The following BTBD16 variants were observed in gnomAD, a reference collection of about 807,000 sequenced individuals.
BTBD16 encodes the protein BTB/POZ domain-containing protein 16.
BTBD16 carries 66 observed loss-of-function variants against 67.4 expected under a neutral mutation model. That is an observed-to-expected ratio of 0.98 (90% CI 0.80 to 1.20). The LOEUF (loss-of-function observed/expected upper bound fraction) is 1.20, where lower values mean the gene tolerates loss of function less well. Ranked by LOEUF, BTBD16 falls within the 50% of genes most tolerant of loss-of-function variation. BTBD16 has a pLI of 0.00. For missense variants in BTBD16, 634 were observed against 616.0 expected (o/e 1.03, Z -0.31); for synonymous variants, 242 against 236.4 (o/e 1.02, Z -0.22).
chr10:122,288,596 T>C (rs7908675), intron 5 of BTBD16, among the ~76,000 whole-genome samples: 48,794 of 152,114 alleles, frequency 0.32, 8,376 homozygotes, highest in African/African-American at 0.46. Context: ...ATGGGCCCAG[T>C]GGGTGGAGCG....
At position 122,299,023 on chromosome 10, in the gene BTBD16, C is replaced by T. The variant is rs1332549047; in HGVS notation, c.680C>T (p.Thr227Ile). The change falls in exon 9 of 16, where the codon ACC becomes ATC. Residue 227 changes from threonine to isoleucine, a missense_variant. Thr to Ile is a moderately conservative substitution (Grantham distance 89). Coordinates refer to ENST00000260723, the MANE Select transcript of BTBD16 (RefSeq NM_144587.5). ...TCTTAGTACAAGGAAGAGCAGCTCACCACCGGCTGCGAGAAGTGGCTGGAA... is the reference window on the plus strand; with the variant it reads ...TCTTAGTACAAGGAAGAGCAGCTCATCACCGGCTGCGAGAAGTGGCTGGAA... ...AGCKYKEEQL[T>I]TGCEKWLEMN... 6.2e-7 allele frequency: 1 copy of T among 1,614,000 alleles called. No homozygotes were observed. The highest frequency in any genetic ancestry group is 1.1e-5 in the South Asian group (1 of 91,062).
chr10:122,276,114 G>A (rs2096340007), intron 2 of BTBD16, among the ~76,000 whole-genome samples: 1 of 152,234 alleles, frequency 6.6e-6, no homozygotes, highest in Admixed American at 6.5e-5. Context: ...CATATTGTGT[G>A]ATTCCACTTG....
At chr10:122,325,582 A>G (rs998058318) in intron 10 of BTBD16, among the ~76,000 whole-genome samples, 1 of 152,020 alleles carries the variant, frequency 6.6e-6, no homozygotes, top group Non-Finnish European at 1.5e-5. Flanking sequence ...GTAGGTTATG[A>G]TGTGGGGGTG....
chr10:122,273,821 C>G (rs1023904682), intron 1 of BTBD16, among the ~76,000 whole-genome samples: 1 of 152,196 alleles, frequency 6.6e-6, no homozygotes, highest in Non-Finnish European at 1.5e-5. Flanking sequence ...TCACTAGTTA[C>G]AACAAGCATA....
chr10:122,314,925 C>T (rs548786509), intron 10 of BTBD16, among the ~76,000 whole-genome samples: 19 of 152,104 alleles, frequency 1.2e-4, no homozygotes, highest in African/African-American at 2.4e-4. Flanking sequence ...ATGACATGAA[C>T]GTCATCTGAT....
intron 10 of BTBD16, among the ~76,000 whole-genome samples, chr10:122,308,780 C>A (rs1011242112): frequency 6.6e-6 from 1 of 152,206 alleles, no homozygotes; most frequent in Admixed American, 6.5e-5. Flanking sequence ...TGGTTCTTCT[C>A]CTGCCCAGCT....
intron 10 of BTBD16, among the ~76,000 whole-genome samples, chr10:122,328,298 C>A (rs1457229355): frequency 6.6e-6 from 1 of 152,174 alleles, no homozygotes; most frequent in East Asian, 1.9e-4. Context: ...GTTCTGCACT[C>A]CTGAAAGCAT....
intron 10 of BTBD16, among the ~76,000 whole-genome samples, chr10:122,325,409 C>T (rs2096442725): frequency 6.6e-6 from 1 of 152,142 alleles, no homozygotes; most frequent in African/African-American, 2.4e-5. Context: ...GTCTCAGCCC[C>T]ACCTCTGCCA....
At chr10:122,330,327 T>A (rs7916112) in intron 11 of BTBD16, among the ~76,000 whole-genome samples, 88,878 of 151,950 alleles carry the variant, frequency 0.58, 26,732 homozygotes, top group East Asian at 0.86. Context: ...AGAGAAAAGT[T>A]TGGGGAAAAA....
intron 13 of BTBD16, chr10:122,333,079 C>T (rs2096457763): frequency 8.9e-6 from 4 of 449,042 alleles, no homozygotes; most frequent in Non-Finnish European, 1.2e-5. Flanking sequence ...AAGCAATTCT[C>T]CAAGAAATCA....
At chr10:122,331,442 C>T (rs767427547) in intron 12 of BTBD16, 184 bp downstream of exon 12, 3 of 554,652 alleles carry the variant, frequency 5.4e-6, no homozygotes, top group Non-Finnish European at 6.9e-6. Flanking sequence ...GGAGACCCAG[C>T]CTTGGAATCC....
intron 15 of BTBD16, among the ~76,000 whole-genome samples, chr10:122,337,403 TGACA>T (rs1228647695): frequency 3.9e-5 from 6 of 152,194 alleles, no homozygotes; most frequent in African/African-American, 1.4e-4. Context: ...GGAAATTAAC[TGACA>T]GAGAACATGA....
chr10:122,307,115 T>C (rs1337154622), intron 9 of BTBD16, 74 bp from the exon 10 acceptor site: 5 of 1,513,130 alleles, frequency 3.3e-6, no homozygotes, highest in Non-Finnish European at 4.4e-6. Flanking sequence ...AAACTCATTC[T>C]AACCAGCTTC....
intron 10 of BTBD16, among the ~76,000 whole-genome samples, chr10:122,323,442 T>C (rs987836185): frequency 1.3e-5 from 2 of 152,232 alleles, no homozygotes; most frequent in African/African-American, 4.8e-5. Flanking sequence ...AGCTTCTTGT[T>C]GCTTCTTATG....
chr10:122,317,682 A>G (rs2096428263), intron 10 of BTBD16, among the ~76,000 whole-genome samples: 1 of 151,838 alleles, frequency 6.6e-6, no homozygotes, highest in Non-Finnish European at 1.5e-5. Context: ...ACAAAAAAAC[A>G]ACAAAAAAAA....
chr10:122,334,431 G>GA (rs2096459998), intron 13 of BTBD16, among the ~76,000 whole-genome samples: 1 of 144,694 alleles, frequency 6.9e-6, no homozygotes, highest in African/African-American at 2.6e-5. Context: ...TTCTGACCTC[G>GA]TGATCGGCCC....
At chr10:122,307,091 G>T in intron 9 of BTBD16, 98 bp from the exon 10 acceptor site, 1 of 1,393,334 alleles carries the variant, frequency 7.2e-7, no homozygotes. Context: ...CAAATGTGGT[G>T]TCACCTCATT....
intron 10 of BTBD16, among the ~76,000 whole-genome samples, chr10:122,312,297 CTTTTTCTTTTTCTTTTT>C (rs2096415121): frequency 7.6e-6 from 1 of 131,800 alleles, no homozygotes; most frequent in African/African-American, 2.8e-5. Flanking sequence ...TTTCACTTTT[CTTTTTCTTTTTCTTTTT>C]TTTTTTTTTT....
intron 9 of BTBD16, among the ~76,000 whole-genome samples, chr10:122,303,379 C>G (rs80349251): frequency 0.03 from 4,530 of 152,318 alleles, 221 homozygotes; most frequent in African/African-American, 0.1. Flanking sequence ...GCAACTTATT[C>G]ACTTACATCG....
Sources: allele counts gnomAD v4.1 joint callset (sites outside exome capture counted in the v4.1 genomes callset), GRCh38; gene constraint gnomAD v4.1.1; transcripts MANE v1.5; gene names NCBI Gene and HGNC (gene_info 2026-07-23, HGNC 2026-07-21).